Variants in TRHDE observed in about 807,000 individuals in gnomAD.
TRHDE encodes thyrotropin releasing hormone degrading enzyme.
A neutral mutation model predicts 125.7 loss-of-function variants in TRHDE; 72 were observed. The observed-to-expected ratio is 0.57, with a 90% CI of 0.47 to 0.70. The LOEUF (loss-of-function observed/expected upper bound fraction) is 0.70. Ranked by LOEUF, TRHDE falls within the 30% of genes least tolerant of loss-of-function variation. The pLI is 0.00. For synonymous variants in TRHDE, 509 were observed against 509.1 expected (o/e 1.00, Z 0.00); for missense variants, 1,110 against 1,327.1 (o/e 0.84, Z 2.54).
At chr12:72,410,576 C>G (rs959689267) in intron 3 of TRHDE, among the ~76,000 whole-genome samples, 2 of 151,888 alleles carry the variant, frequency 1.3e-5, no homozygotes, top group Non-Finnish European at 2.9e-5. Context: ...ATTAAAAAAT[C>G]AATCAGTATA....
chr12:72,238,372 T>C (rs374236862), intron 2 of TRHDE, among the ~76,000 whole-genome samples: 1 of 87,926 alleles, frequency 1.1e-5, no homozygotes, highest in Non-Finnish European at 2.4e-5. Flanking sequence ...TACACATACA[T>C]ATATATATAT....
At chr12:72,257,279 T>A (rs1232112064) in intron 2 of TRHDE, 2 of 152,164 alleles carry the variant, frequency 1.3e-5, no homozygotes, top group African/African-American at 4.8e-5. Context: ...CACCTGACTT[T>A]AGGTAATGGG....
At chr12:72,383,717 G>GT (rs1198685598) in intron 3 of TRHDE, among the ~76,000 whole-genome samples, 2,678 of 120,550 alleles carry the variant, frequency 0.022, 31 homozygotes, top group Middle Eastern at 0.063. Context: ...GGTAATTTCT[G>GT]TTTTTTTTTT....
intron 2 of TRHDE, chr12:72,262,923 T>G (rs1878983440): frequency 6.6e-6 from 1 of 152,084 alleles, no homozygotes; most frequent in South Asian, 2.1e-4. Flanking sequence ...CTCAGAAATG[T>G]CAAGAAAATC....
chr12:72,561,164 G>A (rs960513828), intron 7 of TRHDE, among the ~76,000 whole-genome samples: 29 of 152,152 alleles, frequency 1.9e-4, no homozygotes, highest in African/African-American at 7.0e-4. Flanking sequence ...GCTGTGAGTT[G>A]CCAACAAAAG....
At chr12:72,151,454 A>G (rs1355060796) in intron 2 of TRHDE, among the ~76,000 whole-genome samples, 3 of 152,062 alleles carry the variant, frequency 2.0e-5, no homozygotes, top group Non-Finnish European at 2.9e-5. Context: ...GGTGTTTTAG[A>G]TATGAAGTCC....
chr12:72,183,651 T>C (rs1453674186), intron 2 of TRHDE, among the ~76,000 whole-genome samples: 1 of 152,160 alleles, frequency 6.6e-6, no homozygotes, highest in Non-Finnish European at 1.5e-5. Context: ...TTAATGGCTT[T>C]GTGTATCTGA....
chr12:72,502,638 C>A (rs890572884), intron 6 of TRHDE, among the ~76,000 whole-genome samples: 10 of 152,034 alleles, frequency 6.6e-5, no homozygotes, highest in Non-Finnish European at 1.5e-4. Context: ...CTAGTGTTAG[C>A]TAGAGTGTTC....
chr12:72,432,482 T>A (rs965014781), intron 3 of TRHDE, among the ~76,000 whole-genome samples: 5 of 152,164 alleles, frequency 3.3e-5, no homozygotes, highest in African/African-American at 1.2e-4. Context: ...TTGTACCTAC[T>A]CCTTGCCGTC....
At chr12:72,371,322 T>TA (rs1871574428) in intron 2 of TRHDE, among the ~76,000 whole-genome samples, 1 of 150,794 alleles carries the variant, frequency 6.6e-6, no homozygotes, top group South Asian at 2.1e-4. Flanking sequence ...AAGTTGTATC[T>TA]AGTAGGCATT....
At chr12:72,196,883 C>A (rs1352472248) in intron 2 of TRHDE, among the ~76,000 whole-genome samples, 1 of 151,768 alleles carries the variant, frequency 6.6e-6, no homozygotes, top group Non-Finnish European at 1.5e-5. Flanking sequence ...CCATTTTTTG[C>A]CCCCTTTTAC....
intron 15 of TRHDE, among the ~76,000 whole-genome samples, chr12:72,640,327 C>T (rs1050252351): frequency 3.3e-5 from 5 of 152,248 alleles, no homozygotes; most frequent in Non-Finnish European, 7.3e-5. Flanking sequence ...ACCCCCTGCG[C>T]TTCCCGAGTG....
chr12:72,291,829 G>A (rs1472076145), intron 2 of TRHDE, among the ~76,000 whole-genome samples: 1 of 152,148 alleles, frequency 6.6e-6, no homozygotes, highest in Non-Finnish European at 1.5e-5. Flanking sequence ...TCCATGGGAG[G>A]TCCTGGAACC....
intron 2 of TRHDE, among the ~76,000 whole-genome samples, chr12:72,352,613 C>T (rs944304037): frequency 9.2e-5 from 14 of 151,608 alleles, no homozygotes; most frequent in Non-Finnish European, 1.8e-4. Context: ...GTTTGTGTGC[C>T]ACTGTTATCA....
At chr12:72,614,368 G>A (rs945482529) in intron 12 of TRHDE, among the ~76,000 whole-genome samples, 3 of 138,682 alleles carry the variant, frequency 2.2e-5, no homozygotes, top group African/African-American at 8.3e-5. Flanking sequence ...ATTAGCTGTT[G>A]GTTGACAGAG....
At chr12:72,644,866 A>G (rs867733962) in intron 15 of TRHDE, among the ~76,000 whole-genome samples, 18 of 152,216 alleles carry the variant, frequency 1.2e-4, no homozygotes, top group Middle Eastern at 3.4e-3. Context: ...GGGAGAACAG[A>G]AGCAGTGGCT....
chr12:72,609,886 G>A (rs201096618), intron 12 of TRHDE, among the ~76,000 whole-genome samples: 1 of 57,610 alleles, frequency 1.7e-5, no homozygotes, highest in South Asian at 3.8e-4. Flanking sequence ...AATCCTGTTG[G>A]AATTTTTTAT....
chr12:72,625,661 T>C (rs1169235329), intron 15 of TRHDE, among the ~76,000 whole-genome samples: 1 of 151,872 alleles, frequency 6.6e-6, no homozygotes, highest in East Asian at 1.9e-4. Context: ...AAGTGCTTTT[T>C]GTGTATTATC....
intron 17 of TRHDE, among the ~76,000 whole-genome samples, chr12:72,653,407 C>T (rs1011614843): frequency 1.3e-5 from 2 of 152,182 alleles, no homozygotes; most frequent in Middle Eastern, 3.4e-3. Context: ...AGCTGAGCAA[C>T]TTTCCTGGAA....
Sources: allele counts gnomAD v4.1 joint callset (sites outside exome capture counted in the v4.1 genomes callset), GRCh38; gene constraint gnomAD v4.1.1; transcripts MANE v1.5; gene names NCBI Gene and HGNC (gene_info 2026-07-23, HGNC 2026-07-21).